CFTR: variants seen among roughly 807,000 people sequenced by gnomAD.
The protein encoded by CFTR is cystic fibrosis transmembrane conductance regulator.
In CFTR, 181 loss-of-function variants were observed where a neutral mutation model predicts 171.6. The observed-to-expected ratio is 1.05, with a 90% CI of 0.93 to 1.19. CFTR has a LOEUF of 1.19. CFTR is among the 50% of genes most tolerant of loss of function. CFTR has a pLI of 0.00. For missense variants in CFTR, 1,968 were observed against 1,734.7 expected (o/e 1.13, Z -2.39); for synonymous variants, 583 against 608.0 (o/e 0.96, Z 0.60).
intron 15 of CFTR, among the ~76,000 whole-genome samples, chr7:117,601,945 T>C (rs1017113703): frequency 7.9e-5 from 12 of 151,270 alleles, no homozygotes; most frequent in African/African-American, 2.4e-4. Flanking sequence ...GAGAAAGCTA[T>C]AGAGATTCTA....
chr7:117,603,365 A>C (rs1584817588), intron 16 of CFTR, among the ~76,000 whole-genome samples, 167 bp from the exon 17 acceptor site: 1 of 152,192 alleles, frequency 6.6e-6, no homozygotes, highest in Non-Finnish European at 1.5e-5. Context: ...GTGAGAAAAC[A>C]TATCTATTTT....
intron 1 of CFTR, among the ~76,000 whole-genome samples, chr7:117,486,712 G>A (rs971851413): frequency 4.6e-5 from 7 of 152,018 alleles, no homozygotes; most frequent in African/African-American, 7.2e-5. Flanking sequence ...GGGCCAGATC[G>A]TAAGGGGGCT....
intron 11 of CFTR, among the ~76,000 whole-genome samples, chr7:117,565,341 A>T (rs1322466099): frequency 2.0e-5 from 3 of 152,160 alleles, no homozygotes; most frequent in African/African-American, 7.2e-5. Context: ...TTGCCTTTTT[A>T]ATTTCCAGAC....
intron 11 of CFTR, among the ~76,000 whole-genome samples, chr7:117,571,816 A>G (rs1323588633): frequency 1.3e-5 from 2 of 152,056 alleles, no homozygotes; most frequent in African/African-American, 4.8e-5. Context: ...AACTTCATAC[A>G]TATATATTAT....
chr7:117,511,774 A>C (rs980574), intron 3 of CFTR, among the ~76,000 whole-genome samples: 84,792 of 152,024 alleles, frequency 0.56, 26,587 homozygotes, highest in African/African-American at 0.86. Context: ...ATTTAGATAA[A>C]CATAGTGGCC....
intron 1 of CFTR, among the ~76,000 whole-genome samples, chr7:117,483,556 T>A (rs907474238): frequency 6.6e-6 from 1 of 152,032 alleles, no homozygotes; most frequent in Non-Finnish European, 1.5e-5. Context: ...TAAAGACAAT[T>A]CTTTTGTTTG....
chr7:117,604,542 G>T (rs945603754), intron 17 of CFTR, among the ~76,000 whole-genome samples: 3 of 152,092 alleles, frequency 2.0e-5, no homozygotes, highest in African/African-American at 7.2e-5. Context: ...AGGAGGAGTT[G>T]ACACAGAAAC....
At chr7:117,593,411 A>G (rs901022289) in intron 14 of CFTR, among the ~76,000 whole-genome samples, 1 of 152,236 alleles carries the variant, frequency 6.6e-6, no homozygotes, top group South Asian at 2.1e-4. Flanking sequence ...GTTTAATAGT[A>G]TAGATCATTT....
chr7:117,666,898 A>G lies in CFTR; in HGVS notation c.4243-10A>G, dbSNP rs1793384325. The G allele has an allele frequency of 1.2e-6, 2 of 1,613,806 alleles. No individual in the cohort carries two copies. Among genetic ancestry groups the G allele is most frequent in the East Asian group, 4.5e-5 (2 of 44,856 alleles). On this transcript the variant is annotated splice_polypyrimidine_tract_variant and intron_variant, in intron 26 of 26. Transcript: ENST00000003084. ...TCTGTCCCAGATCTCACTAACAGCCATTTCCCTAGGTCATAGAAGAGAACA... is the reference window on the plus strand; with the variant it reads ...TCTGTCCCAGATCTCACTAACAGCCGTTTCCCTAGGTCATAGAAGAGAACA...
chr7:117,594,808 T>C, intron 14 of CFTR, 122 bp from the exon 15 acceptor site: 2 of 878,178 alleles, frequency 2.3e-6, no homozygotes, highest in Non-Finnish European at 3.6e-6. Context: ...GATTTATATT[T>C]GTTAAAATAC....
At position 117,595,071 on chromosome 7, in the gene CFTR, T is replaced by A; in HGVS notation, c.2619+13T>A. 6.2e-7 allele frequency: 1 copy of A among 1,604,484 alleles called. No homozygotes were observed. The highest frequency in any genetic ancestry group is 1.3e-5 in the African/African-American group (1 of 74,814). On this transcript the variant is annotated intron_variant, in intron 15 of 26. Transcript: ENST00000003084. The stretch of plus-strand genomic sequence containing the variant: ...TTTTCTGGCAGAGGTAAGAATGTTC[T>A]ATTGTAAAGTATTACTGGATTTAAA...
At chr7:117,563,493 G>A (rs1468001537) in intron 11 of CFTR, among the ~76,000 whole-genome samples, 1 of 152,026 alleles carries the variant, frequency 6.6e-6, no homozygotes, top group Non-Finnish European at 1.5e-5. Flanking sequence ...CTTCAGGAAA[G>A]AGTGATTTTT....
chr7:117,653,234 G>C (rs1793114932), intron 24 of CFTR, among the ~76,000 whole-genome samples: 1 of 152,146 alleles, frequency 6.6e-6, no homozygotes, highest in Non-Finnish European at 1.5e-5. Flanking sequence ...AAAATACCTG[G>C]CGCGACAAGT....
At chr7:117,620,206 C>T (rs915495968) in intron 21 of CFTR, among the ~76,000 whole-genome samples, 1 of 152,120 alleles carries the variant, frequency 6.6e-6, no homozygotes, top group Non-Finnish European at 1.5e-5. Context: ...CATCTCTTCT[C>T]ATTTCATCCT....
chr7:117,666,654 C>G (rs889915667), intron 26 of CFTR, among the ~76,000 whole-genome samples: 1 of 152,178 alleles, frequency 6.6e-6, no homozygotes, highest in Admixed American at 6.6e-5. Context: ...AAAGCAACTT[C>G]AGTTCTACTA....
rs547598177 is a variant in CFTR, at chr7:117,480,223, G to A, written c.53+76G>A. 4.4e-5 allele frequency: 60 copies of A among 1,363,924 alleles called. 1 individual carries two copies. The South Asian group carries it at 6.5e-4, about 15-fold the overall frequency. 84.5% of individuals were successfully genotyped at this position (1,363,924 alleles called of 1,614,324 possible). On this transcript the variant is annotated intron_variant, in intron 1 of 26. Transcript: ENST00000003084. ...GAGGGCGTGTGTATGGGTTGGGTTT[G>A]GGGTAAAGGAATAAGCAGTTTTTAA...
chr7:117,665,352 G>T, intron 25 of CFTR, 107 bp from the exon 26 acceptor site: 1 of 736,878 alleles, frequency 1.4e-6, no homozygotes, highest in South Asian at 1.8e-5. Flanking sequence ...AGAACTTAAA[G>T]AAATAAGTAA....
chr7:117,542,954 C>T (rs375964909), intron 9 of CFTR, among the ~76,000 whole-genome samples: 59 of 152,250 alleles, frequency 3.9e-4, no homozygotes, highest in Non-Finnish European at 7.8e-4. Flanking sequence ...TAAAAGGATG[C>T]GAGAGAGATA....
chr7:117,513,614 C>A (rs1798554687), intron 3 of CFTR, among the ~76,000 whole-genome samples: 1 of 152,084 alleles, frequency 6.6e-6, no homozygotes, highest in African/African-American at 2.4e-5. Context: ...TTTTTATTTA[C>A]TTCCCTAAAG....
Sources: allele counts gnomAD v4.1 joint callset (sites outside exome capture counted in the v4.1 genomes callset), GRCh38; gene constraint gnomAD v4.1.1; transcripts MANE v1.5; gene names NCBI Gene and HGNC (gene_info 2026-07-23, HGNC 2026-07-21).